PPP2R5C: variants seen among roughly 807,000 people sequenced by gnomAD.
PPP2R5C encodes serine/threonine-protein phosphatase 2A 56 kDa regulatory subunit gamma isoform.
In PPP2R5C, 7 loss-of-function variants were observed where a neutral mutation model predicts 68.9. The ratio of observed to expected loss-of-function variants is 0.10; its 90% CI spans 0.06 to 0.19. PPP2R5C has a LOEUF of 0.19. PPP2R5C is among the 10% of genes least tolerant of loss of function. PPP2R5C has a pLI of 1.00. For synonymous variants in PPP2R5C, 210 were observed against 222.2 expected, an observed-to-expected ratio of 0.95 and a Z score of 0.49; for missense variants, 348 against 641.3, an observed-to-expected ratio of 0.54 and a Z score of 4.94.
At chr14:101,775,090 A>G (rs574603994) in intron 2 of PPP2R5C, among the ~76,000 whole-genome samples, 3 of 152,294 alleles carry the variant, frequency 2.0e-5, no homozygotes, top group Admixed American at 1.3e-4. Flanking sequence ...AGCTGCTAGT[A>G]TTGGTCCCTG....
At chr14:101,902,762 A>C (rs1274526619) in intron 9 of PPP2R5C, among the ~76,000 whole-genome samples, 2 of 152,182 alleles carry the variant, frequency 1.3e-5, no homozygotes, top group Non-Finnish European at 2.9e-5. Flanking sequence ...GGGTCCTCCA[A>C]ACTGAGCCTT....
chr14:101,789,920 A>AG (rs1163278122), intron 3 of PPP2R5C: 2 of 151,712 alleles, frequency 1.3e-5, no homozygotes, highest in South Asian at 2.1e-4. Context: ...CCATTTAGAA[A>AG]GGGGGGTCTG....
intron 1 of PPP2R5C, among the ~76,000 whole-genome samples, chr14:101,812,097 A>G (rs1385098400): frequency 2.0e-5 from 3 of 152,236 alleles, no homozygotes; most frequent in African/African-American, 7.2e-5. Context: ...ATTTACTCAT[A>G]AAGACTTTTC....
chr14:101,797,755 A>T lies in PPP2R5C; in HGVS notation c.259+11572A>T, dbSNP rs938859655. 5 of 158,372 alleles carry T rather than the reference A, an allele frequency of 3.2e-5. No individual in the cohort carries two copies. The highest frequency in any genetic ancestry group is 1.2e-4 in the African/African-American group (5 of 41,558). The allele number at this position is 158,372 out of a possible 1,614,324, so 9.8% of individuals were successfully genotyped here. A position where few individuals can be genotyped will look rare whatever the true frequency, so the allele number is the denominator to read the frequency against. On this transcript the variant is annotated intron_variant, in intron 3 of 14. Coordinates refer to the PPP2R5C transcript ENST00000328724. This position sits in a 1 kb window ranked among gnomAD's most constrained non-coding sequence, Gnocchi z 4.2. ...GTTGGTTCCCTACGTTCTTAGAACA[A>T]GGAAGGAGTGTGAGTACTTGCTTTG...
chr14:101,837,662 G>C (rs776887148), intron 1 of PPP2R5C, among the ~76,000 whole-genome samples: 9 of 152,222 alleles, frequency 5.9e-5, no homozygotes, highest in Admixed American at 5.9e-4. Flanking sequence ...GGCGAGGACT[G>C]TGGGCTTTGT....
chr14:101,890,201 A>G (rs1330838465), intron 5 of PPP2R5C, 36 bp from the exon 8 acceptor site: 4 of 1,561,072 alleles, frequency 2.6e-6, no homozygotes, highest in African/African-American at 1.4e-5. Context: ...AGGTTAGTTC[A>G]GTGTCTAATT....
At chr14:101,892,074 G>A (rs2044969300) in intron 6 of PPP2R5C, among the ~76,000 whole-genome samples, 1 of 152,124 alleles carries the variant, frequency 6.6e-6, no homozygotes, top group Non-Finnish European at 1.5e-5. Context: ...CTCTGCCTCA[G>A]CCTCCTGAAT....
chr14:101,770,865 T>G (rs2037109457), intron 2 of PPP2R5C, among the ~76,000 whole-genome samples: 2 of 152,244 alleles, frequency 1.3e-5, no homozygotes, highest in South Asian at 4.1e-4. Context: ...GCCACCAACA[T>G]GAAATGCGGT....
intron 2 of PPP2R5C, among the ~76,000 whole-genome samples, chr14:101,763,244 G>C (rs1441190283): frequency 6.6e-6 from 1 of 151,812 alleles, no homozygotes; most frequent in African/African-American, 2.4e-5. Flanking sequence ...TTTTGAGACG[G>C]GGTCTCACTT....
intron 5 of PPP2R5C, among the ~76,000 whole-genome samples, chr14:101,884,418 A>G (rs1205720191): frequency 1.3e-5 from 2 of 152,200 alleles, no homozygotes; most frequent in African/African-American, 4.8e-5. Flanking sequence ...ATTAACCTTC[A>G]CACCAGCTTT....
At chr14:101,907,643 G>A (rs1326626283) in intron 10 of PPP2R5C, among the ~76,000 whole-genome samples, 2 of 152,268 alleles carry the variant, frequency 1.3e-5, no homozygotes, top group Non-Finnish European at 2.9e-5. Context: ...TATGGGTGAG[G>A]AAGGTGAGAC....
At chr14:101,836,581 G>T in intron 1 of PPP2R5C, 2 of 522,136 alleles carry the variant, frequency 3.8e-6, no homozygotes, top group Non-Finnish European at 3.4e-6. Context: ...AAATGCCTGG[G>T]GTGTTGCATG....
At chr14:101,909,166 G>A (rs2046248516) in intron 10 of PPP2R5C, among the ~76,000 whole-genome samples, 1 of 152,208 alleles carries the variant, frequency 6.6e-6, no homozygotes, top group South Asian at 2.1e-4. Flanking sequence ...CTCTTTCAAA[G>A]CTCTGTGTTG....
chr14:101,825,516 C>T lies in PPP2R5C; in HGVS notation c.94+15480C>T, dbSNP rs1007517568. 5.9e-5 allele frequency among the ~76,000 whole-genome samples: 9 copies of T among 152,114 alleles called. No homozygotes were observed. The highest frequency in any genetic ancestry group is 7.2e-5 in the African/African-American group (3 of 41,408). ...TTGCCCAGCCTATTTGGGGTGCACA[C>T]GCTCATCGATGAGGGCAACAGAACA... On this transcript the variant is annotated intron_variant, in intron 1 of 13. Coordinates refer to ENST00000334743, the Ensembl canonical transcript of PPP2R5C. This position sits in a 1 kb window ranked among gnomAD's most constrained non-coding sequence, Gnocchi z 4.0.
At chr14:101,801,651 A>G (rs139311120) in intron 3 of PPP2R5C, among the ~76,000 whole-genome samples, 8 of 152,360 alleles carry the variant, frequency 5.3e-5, no homozygotes, top group African/African-American at 1.9e-4. Flanking sequence ...AGACTTGCAC[A>G]CTGCAAACTA....
chr14:101,867,825 G>A (rs979665439), intron 2 of PPP2R5C, among the ~76,000 whole-genome samples: 12 of 152,058 alleles, frequency 7.9e-5, no homozygotes, highest in Admixed American at 3.9e-4. Context: ...CAAGCTATCC[G>A]TATGTAATAT....
In PPP2R5C at chr14:101,781,421, G is replaced by C. The variant is rs1022544290; in HGVS notation, c.94-4597G>C. 2.6e-5 allele frequency among the ~76,000 whole-genome samples: 4 copies of C among 152,154 alleles called. No individual in the cohort carries two copies. Among genetic ancestry groups the C allele is most frequent in the Admixed American group, 2.0e-4 (3 of 15,284 alleles). On this transcript the variant is annotated intron_variant, in intron 2 of 14. Transcript: ENST00000328724. The surrounding 1 kb of genome is among the most constrained non-coding windows in gnomAD (Gnocchi z 6.4). ...CTGCCAAGGCGCGCTGTGCGCGTGG[G>C]GCCAGGCTCGACCTCACTCCTGTTG...
At chr14:101,824,072 C>G (rs754536635) in intron 1 of PPP2R5C, 438 of 1,289,042 alleles carry the variant, frequency 3.4e-4, no homozygotes, top group Non-Finnish European at 4.3e-4. Context: ...GGAACAGACT[C>G]CAGGACTGAC....
intron 5 of PPP2R5C, chr14:101,889,846 C>T: frequency 5.2e-6 from 2 of 387,178 alleles, no homozygotes; most frequent in Non-Finnish European, 1.0e-5. Flanking sequence ...ACAGCAAAAA[C>T]GTAAGATGGA....
Sources: allele counts gnomAD v4.1 joint callset (sites outside exome capture counted in the v4.1 genomes callset), GRCh38; gene constraint gnomAD v4.1.1; non-coding constraint Gnocchi (gnomAD v3.1); transcripts MANE v1.5; gene names NCBI Gene and HGNC (gene_info 2026-07-23, HGNC 2026-07-21).